The following PUM2 variants were observed in gnomAD, a reference collection of about 807,000 sequenced individuals.
PUM2 encodes pumilio RNA binding family member 2.
A neutral mutation model predicts 124.5 loss-of-function variants in PUM2; 57 were observed. The observed-to-expected ratio is 0.46, with a 90% CI of 0.37 to 0.57. PUM2 has a LOEUF of 0.57. Among genes scored for constraint, PUM2 ranks in the 20% least tolerant of loss-of-function variants. The pLI is 0.00. For missense variants in PUM2, 1,065 were observed against 1,290.6 expected (o/e 0.83, Z 2.68); for synonymous variants, 460 against 446.1 (o/e 1.03, Z -0.39).
rs1211180425 is a variant in PUM2, at chr2:20,250,901, A to G, written c.*684T>C. The G allele has an allele frequency of 2.0e-5, 3 of 152,608 alleles. No homozygotes were observed. The highest frequency in any genetic ancestry group is 2.9e-5 in the Non-Finnish European group (2 of 68,010). 9.5% of individuals were successfully genotyped at this position (152,608 alleles called of 1,614,324 possible). A position where few individuals can be genotyped will look rare whatever the true frequency, so the allele number is the denominator to read the frequency against. ...ACAATTACATATGTAAGTATATACA[A>G]TATTTCTGTACATTGCCAGAGACAT... On this transcript the variant is annotated 3_prime_UTR_variant, in exon 21 of 21. Transcript: ENST00000361078.
chr2:20,330,719 A>T (rs554078026), intron 1 of PUM2, among the ~76,000 whole-genome samples: 1 of 152,338 alleles, frequency 6.6e-6, no homozygotes, highest in South Asian at 2.1e-4. Flanking sequence ...CTGTTCTAGC[A>T]AATTAATTGA....
Position 20,308,050 on chromosome 2 carries a change from G to A in PUM2, c.811C>T (p.Leu271=). ...GCTGCAGTTAACTGTTGAACTGTTA[G>A]TGCATTAGTCCTCTGAAAGAGCTAT... ...QQQLFQRTNA[L]TVQQLTAAQQ... The change falls in exon 7 of 21, where the codon CTA becomes TTA. Residue 271 remains leucine, a synonymous_variant. Coordinates refer to ENST00000361078, the MANE Select transcript of PUM2 (RefSeq NM_015317.5). 6.2e-7 allele frequency: 1 copy of A among 1,613,218 alleles called. No homozygotes were observed. The highest frequency in any genetic ancestry group is 8.5e-7 in the Non-Finnish European group (1 of 1,179,230).
intron 15 of PUM2, among the ~76,000 whole-genome samples, chr2:20,259,738 T>C (rs1048177675): frequency 3.9e-5 from 6 of 152,218 alleles, no homozygotes; most frequent in African/African-American, 7.2e-5. Flanking sequence ...AATGGTGCAA[T>C]ATATACTGGT....
intron 20 of PUM2, 144 bp from the exon 21 acceptor site, chr2:20,251,860 G>C: frequency 1.0e-6 from 1 of 982,764 alleles, no homozygotes; most frequent in East Asian, 2.6e-5. Context: ...TTTTGCAAAA[G>C]CAGTTGTGAT....
intron 9 of PUM2, among the ~76,000 whole-genome samples, chr2:20,291,911 C>T (rs1674201684): frequency 6.6e-6 from 1 of 152,070 alleles, no homozygotes; most frequent in African/African-American, 2.4e-5. Context: ...AATTTTCCAT[C>T]ACCAAGAAAT....
At chr2:20,316,953 C>G (rs550946162) in intron 3 of PUM2, among the ~76,000 whole-genome samples, 12 of 152,232 alleles carry the variant, frequency 7.9e-5, no homozygotes, top group African/African-American at 2.4e-4. Context: ...ATCACTTGAA[C>G]CTGGGAGGCG....
intron 14 of PUM2, 88 bp downstream of exon 14, chr2:20,263,105 T>C: frequency 7.6e-7 from 1 of 1,313,300 alleles, no homozygotes; most frequent in Non-Finnish European, 1.0e-6. Flanking sequence ...CCAACTTTAA[T>C]GCAGACTAAA....
At chr2:20,345,089 C>CTTT (rs768667526) in intron 1 of PUM2, among the ~76,000 whole-genome samples, 4,515 of 129,378 alleles carry the variant, frequency 0.035, 80 homozygotes, top group Middle Eastern at 0.069. Flanking sequence ...GCACTTTTTT[C>CTTT]TTTTTTTTTT....
At chr2:20,327,237 T>TA (rs879174062) in intron 2 of PUM2, 73 bp downstream of exon 2, 20,101 of 870,028 alleles carry the variant, frequency 0.023, 1 homozygote, top group Non-Finnish European at 0.026. Flanking sequence ...GGGAGATGGT[T>TA]AAAAAAAAAA....
At chr2:20,257,043 C>CAAAAAAAAAAAAAA (rs58072146) in intron 16 of PUM2, among the ~76,000 whole-genome samples, 19 of 71,800 alleles carry the variant, frequency 2.6e-4, no homozygotes, top group African/African-American at 8.9e-4. Flanking sequence ...GATTCCGTCT[C>CAAAAAAAAAAAAAA]AAAAAAAAAA....
intron 2 of PUM2, among the ~76,000 whole-genome samples, chr2:20,325,621 GTTCT>G (rs1238461656): frequency 4.3e-5 from 6 of 141,004 alleles, no homozygotes; most frequent in Non-Finnish European, 9.3e-5. Flanking sequence ...TGACTCTCTT[GTTCT>G]TTTTTTTTTT....
At position 20,263,360 on chromosome 2, in the gene PUM2, G is replaced by A; in HGVS notation, c.2058C>T (p.Ser686=). Residue 686 remains serine, a synonymous_variant, in exon 14 of 21, where the codon AGC becomes AGT. Transcript: ENST00000361078. ...GCCGGGAAGGAGGAAAGAGCTGGCTGCTGGAGCTAAATAGACTGGAAGTGC... is the reference window on the plus strand; with the variant it reads ...GCCGGGAAGGAGGAAAGAGCTGGCTACTGGAGCTAAATAGACTGGAAGTGC... The part of the protein sequence containing the change: ...ASSTSSLFSS[S]SQLFPPSRLR... The A allele has an allele frequency of 6.2e-7, 1 of 1,614,156 alleles. No homozygotes were observed.
Position 20,318,559 on chromosome 2 carries a change from T to C in PUM2, c.138A>G (p.Arg46=). 6.2e-7 allele frequency: 1 copy of C among 1,613,080 alleles called. No homozygotes were observed. Among genetic ancestry groups the C allele is most frequent in the Non-Finnish European group, 8.5e-7 (1 of 1,179,344 alleles). ...KGIFLGDDEW[R]ETAWGASHHS... is the part of the protein sequence containing the mutation. Reference sequence around the variant, plus strand: ...TACGAGAAGCTCCCCATGCAGTCTCTCTCCATTCATCATCCCCAAGAAATA... The same window carrying C: ...TACGAGAAGCTCCCCATGCAGTCTCCCTCCATTCATCATCCCCAAGAAATA... Residue 46 remains arginine, a synonymous_variant, in exon 3 of 21, where the codon AGA becomes AGG. Transcript: ENST00000361078.
At chr2:20,254,724 G>T in intron 19 of PUM2, 139 bp downstream of exon 19, 2 of 899,844 alleles carry the variant, frequency 2.2e-6, no homozygotes, top group Non-Finnish European at 3.2e-6. Flanking sequence ...CAAAAGCAAT[G>T]TTCTATAGGT....
chr2:20,304,570 C>A (rs185149943), intron 7 of PUM2, among the ~76,000 whole-genome samples: 15 of 152,264 alleles, frequency 9.9e-5, no homozygotes, highest in Admixed American at 7.8e-4. Context: ...GCTTTACCAG[C>A]ACAGTGGAGT....
intron 13 of PUM2, among the ~76,000 whole-genome samples, chr2:20,272,546 G>T (rs988084254): frequency 1.3e-5 from 2 of 152,188 alleles, no homozygotes; most frequent in African/African-American, 4.8e-5. Flanking sequence ...TTATCCTTGT[G>T]CCAATACCGT....
At chr2:20,291,151 T>C (rs1673973455) in intron 9 of PUM2, among the ~76,000 whole-genome samples, 1 of 152,230 alleles carries the variant, frequency 6.6e-6, no homozygotes, top group Non-Finnish European at 1.5e-5. Flanking sequence ...CTGCTGGAAC[T>C]GAGTCCACAC....
At chr2:20,342,060 T>C (rs1434753255) in intron 1 of PUM2, among the ~76,000 whole-genome samples, 1 of 142,820 alleles carries the variant, frequency 7.0e-6, no homozygotes, top group Admixed American at 7.3e-5. Flanking sequence ...ACCCAGGAGG[T>C]GGTGGTTGCA....
intron 14 of PUM2, 85 bp from the exon 15 acceptor site, chr2:20,260,551 C>G: frequency 1.7e-6 from 2 of 1,173,952 alleles, no homozygotes; most frequent in Non-Finnish European, 2.4e-6. Flanking sequence ...ATATGCACTG[C>G]AAGTTATTTC....
Sources: allele counts gnomAD v4.1 joint callset (sites outside exome capture counted in the v4.1 genomes callset), GRCh38; gene constraint gnomAD v4.1.1; transcripts MANE v1.5; gene names NCBI Gene and HGNC (gene_info 2026-07-23, HGNC 2026-07-21).